The following BLNK variants were observed in gnomAD, a reference collection of about 807,000 sequenced individuals.
The protein encoded by BLNK is B-cell linker protein.
Under a neutral mutation model 73.5 loss-of-function variants are expected in BLNK, and 29 were observed. That is an observed-to-expected ratio of 0.39 (90% CI 0.29 to 0.54). The LOEUF is 0.54. Among genes scored for constraint, BLNK ranks in the 20% least tolerant of loss-of-function variants. The pLI, the probability that BLNK is intolerant of heterozygous loss-of-function variation, is 0.61. For synonymous variants in BLNK, 176 were observed against 200.8 expected (o/e 0.88, Z 1.04); for missense variants, 460 against 562.8 (o/e 0.82, Z 1.85).
chr10:96,222,595 A>G (rs1276406807), intron 6 of BLNK, among the ~76,000 whole-genome samples: 2 of 152,208 alleles, frequency 1.3e-5, no homozygotes, highest in African/African-American at 4.8e-5. Flanking sequence ...ATGCTGGGCC[A>G]TCTGAAAAGG....
intron 1 of BLNK, among the ~76,000 whole-genome samples, chr10:96,266,878 G>T (rs1285649731): frequency 1.3e-5 from 2 of 152,194 alleles, no homozygotes; most frequent in African/African-American, 2.4e-5. Flanking sequence ...TATTGACTTG[G>T]TATACTGACT....
intron 8 of BLNK, among the ~76,000 whole-genome samples, chr10:96,213,999 G>C (rs189162615): frequency 2.6e-5 from 4 of 152,186 alleles, no homozygotes; most frequent in Non-Finnish European, 5.9e-5. Flanking sequence ...AATTTCACAA[G>C]AAATGAGTCC....
rs143079353 is a variant in BLNK at position 96,202,108 on chromosome 10, G to A, written c.935-1050C>T. Among the ~76,000 whole-genome samples the A allele has an allele frequency of 2.2e-3, 339 of 152,234 alleles. 1 individual carries two copies. Among genetic ancestry groups the A allele is most frequent in the African/African-American group, 7.7e-3 (321 of 41,522 alleles). ...CTGTGCCTGGAGTACAGTAAGAAAA[G>A]GGGAGAAGAGTAAGAGATACAGTCA... On this transcript the variant is annotated intron_variant, in intron 13 of 16. Transcript: ENST00000224337.
At chr10:96,269,420 A>AC (rs1844168775) in intron 1 of BLNK, among the ~76,000 whole-genome samples, 1 of 141,084 alleles carries the variant, frequency 7.1e-6, no homozygotes, top group Non-Finnish European at 1.5e-5. Flanking sequence ...ATGTCTGAAA[A>AC]CAAAAAAAAA....
Position 96,201,117 on chromosome 10 carries a change from G to A in BLNK, c.935-59C>T, listed in dbSNP as rs1322189305. 5 of 1,436,534 alleles carry A rather than the reference G, an allele frequency of 3.5e-6. No individual in the cohort carries two copies. In the African/African-American group the frequency reaches 7.0e-5, roughly 20 times the overall value. The allele number at this position is 1,436,534 out of a possible 1,614,324, so 89.0% of individuals were successfully genotyped here. On this transcript the variant is annotated intron_variant, in intron 13 of 16. Transcript: ENST00000224337. Reference sequence around the variant, plus strand: ...TTCATATTTCTTGAACTCTTTCTATGCCTATCCCCTAACACTGTACTAGGT... The same window carrying A: ...TTCATATTTCTTGAACTCTTTCTATACCTATCCCCTAACACTGTACTAGGT...
At position 96,191,831 on chromosome 10, in the gene BLNK, A is replaced by T; in HGVS notation, c.*142T>A. 1 of 1,112,252 alleles carries T rather than the reference A, an allele frequency of 9.0e-7. No individual in the cohort carries two copies. Among genetic ancestry groups the T allele is most frequent in the East Asian group, 2.4e-5 (1 of 41,962 alleles). 68.9% of individuals were successfully genotyped at this position (1,112,252 alleles called of 1,614,324 possible). Reference sequence around the variant, plus strand: ...TGAGCTTCTTAAAAAGAAATGGATGACCACTTCAATAGCTGACTCCATCTT... The same window carrying T: ...TGAGCTTCTTAAAAAGAAATGGATGTCCACTTCAATAGCTGACTCCATCTT... On this transcript the variant is annotated 3_prime_UTR_variant, in exon 17 of 17. Coordinates refer to ENST00000224337, the MANE Select transcript of BLNK (RefSeq NM_013314.4).
chr10:96,231,886 T>C (rs1361708741), intron 3 of BLNK, among the ~76,000 whole-genome samples: 1 of 152,190 alleles, frequency 6.6e-6, no homozygotes, highest in East Asian at 1.9e-4. Flanking sequence ...AGCCCCCACA[T>C]GGTGCTGCCT....
chr10:96,240,493 C>A (rs1398503658), intron 3 of BLNK, among the ~76,000 whole-genome samples: 2 of 152,176 alleles, frequency 1.3e-5, no homozygotes, highest in Non-Finnish European at 2.9e-5. Flanking sequence ...CTCCTGGCCT[C>A]AAGCAATCCT....
Position 96,215,307 on chromosome 10 carries a change from C to T in BLNK, c.676+14G>A, listed in dbSNP as rs1554899591. 1.2e-6 allele frequency: 2 copies of T among 1,613,216 alleles called. No homozygotes were observed. Among genetic ancestry groups the T allele is most frequent in the Non-Finnish European group, 1.7e-6 (2 of 1,179,200 alleles). On this transcript the variant is annotated intron_variant, in intron 8 of 16. Transcript: ENST00000224337. Reference sequence around the variant, plus strand: ...ATAGACGTAAAACCAAACCAAATCACACATACACTTTACCTGAAGCTGTTC... The same window carrying T: ...ATAGACGTAAAACCAAACCAAATCATACATACACTTTACCTGAAGCTGTTC...
chr10:96,201,080 C>T, intron 13 of BLNK, 22 bp from the exon 14 acceptor site: 8 of 1,597,836 alleles, frequency 5.0e-6, no homozygotes, highest in Non-Finnish European at 6.9e-6. Context: ...CAGAAAAGTC[C>T]TTCAATTAAT....
intron 1 of BLNK, among the ~76,000 whole-genome samples, chr10:96,265,058 C>A (rs974521923): frequency 6.6e-6 from 1 of 152,052 alleles, no homozygotes; most frequent in Non-Finnish European, 1.5e-5. Context: ...ACCTCCTGGG[C>A]GATCCTCCCA....
intron 3 of BLNK, among the ~76,000 whole-genome samples, chr10:96,237,178 G>A (rs1484601272): frequency 5.3e-5 from 8 of 152,192 alleles, no homozygotes; most frequent in African/African-American, 1.9e-4. Flanking sequence ...AATATGGACA[G>A]GGAGACAGAA....
At position 96,224,009 on chromosome 10, in the gene BLNK, A is replaced by C. The variant is rs782593373; in HGVS notation, c.362-20T>G. On this transcript the variant is annotated intron_variant, in intron 5 of 16. Transcript: ENST00000224337. ...GATTGTCTTGAAAGGAACAAACAAA[A>C]AACATAACATAAAAGAGGCTCTGGA... The C allele has an allele frequency of 1.2e-6, 2 of 1,612,216 alleles. No homozygotes were observed. The highest frequency in any genetic ancestry group is 1.7e-6 in the Non-Finnish European group (2 of 1,179,974).
chr10:96,252,888 C>T (rs567335502), intron 1 of BLNK, among the ~76,000 whole-genome samples: 6 of 152,180 alleles, frequency 3.9e-5, no homozygotes, highest in Non-Finnish European at 7.3e-5. Flanking sequence ...GACTCGACCT[C>T]ATCCCTGTTG....
Position 96,230,868 on chromosome 10 carries a change from T to A in BLNK, c.164-34A>T, listed in dbSNP as rs782144229. The A allele has an allele frequency of 1.9e-6, 3 of 1,606,718 alleles. No individual in the cohort carries two copies. In the South Asian group the frequency reaches 3.4e-5, roughly 18 times the overall value. ...GCAGGGGAGAAGCAGAAGGCACAAG[T>A]GTGAGCCTCAGCTGGCCAGCCCCAG... is the stretch of plus-strand genomic sequence containing the variant. On this transcript the variant is annotated intron_variant, in intron 3 of 16. Transcript: ENST00000224337.
intron 13 of BLNK, among the ~76,000 whole-genome samples, chr10:96,202,271 C>T (rs962873929): frequency 6.6e-6 from 1 of 152,100 alleles, no homozygotes; most frequent in Non-Finnish European, 1.5e-5. Flanking sequence ...TATGTTTTAA[C>T]AGGGTCATTC....
chr10:96,237,944 C>T (rs782387043), intron 3 of BLNK, among the ~76,000 whole-genome samples: 4 of 152,220 alleles, frequency 2.6e-5, no homozygotes. Context: ...TGAGATATGT[C>T]TGTGAAGAGC....
At chr10:96,208,213 T>A (rs929958678) in intron 9 of BLNK, among the ~76,000 whole-genome samples, 1 of 152,112 alleles carries the variant, frequency 6.6e-6, no homozygotes, top group African/African-American at 2.4e-5. Flanking sequence ...GTCTTGAGTG[T>A]GAGGTTAGAT....
At chr10:96,234,864 G>A (rs1211563821) in intron 3 of BLNK, among the ~76,000 whole-genome samples, 1 of 152,238 alleles carries the variant, frequency 6.6e-6, no homozygotes. Context: ...ATGTGGGCCA[G>A]GTGGATTGAT....
Sources: allele counts gnomAD v4.1 joint callset (sites outside exome capture counted in the v4.1 genomes callset), GRCh38; gene constraint gnomAD v4.1.1; transcripts MANE v1.5; gene names NCBI Gene and HGNC (gene_info 2026-07-23, HGNC 2026-07-21).